CSMD3: variants seen among roughly 807,000 people sequenced by gnomAD.
The protein encoded by CSMD3 is CUB and sushi domain-containing protein 3.
A neutral mutation model predicts 435.2 loss-of-function variants in CSMD3; 177 were observed. The observed-to-expected ratio is 0.41, with a 90% CI of 0.36 to 0.46. The LOEUF (loss-of-function observed/expected upper bound fraction) is 0.46. Ranked by LOEUF, CSMD3 falls within the 20% of genes least tolerant of loss-of-function variation. The pLI, the probability that CSMD3 is intolerant of heterozygous loss-of-function variation, is 0.34. For missense variants in CSMD3, 4,265 were observed against 4,504.6 expected (o/e 0.95, Z 1.52); for synonymous variants, 1,656 against 1,520.5 (o/e 1.09, Z -2.07).
chr8:112,266,132 CATG>C (rs1289047549), intron 59 of CSMD3, among the ~76,000 whole-genome samples: 4 of 152,154 alleles, frequency 2.6e-5, no homozygotes, highest in Non-Finnish European at 4.4e-5. Context: ...TTGACCAATA[CATG>C]ATGATGTTTC....
rs528675445 is a variant in CSMD3, at chr8:112,994,225, T to C, written c.1031-18077A>G. Among the ~76,000 whole-genome samples, 32 of 151,920 alleles carry C rather than the reference T, an allele frequency of 2.1e-4. No homozygotes were observed. The South Asian group carries it at 6.4e-3, about 30-fold the overall frequency. ...TGTGCAATTGTGCTTGTTACACTTA[T>C]CAAGAAAATTTGTAAAGCAAACAGC... is the stretch of plus-strand genomic sequence containing the variant. On this transcript the variant is annotated intron_variant, in intron 6 of 70. Transcript: ENST00000297405.
chr8:112,626,918 G>A lies in CSMD3; in HGVS notation c.3715+9899C>T, dbSNP rs28517826. Among the ~76,000 whole-genome samples, 326 of 152,084 alleles carry A rather than the reference G, an allele frequency of 2.1e-3. 3 individuals are homozygous for A. The highest frequency in any genetic ancestry group is 7.5e-3 in the African/African-American group (313 of 41,498). ...CTAACTTGCTTTGAATAAAAATACC[G>A]TTAATATATTTTCCTAGTGAAAATT... On this transcript the variant is annotated intron_variant, in intron 22 of 70. Coordinates refer to ENST00000297405, the MANE Select transcript of CSMD3 (RefSeq NM_198123.2).
At chr8:112,829,885 G>GCACACACA (rs57982384) in intron 11 of CSMD3, 96 bp from the exon 12 acceptor site, 2 of 599,114 alleles carry the variant, frequency 3.3e-6, no homozygotes, top group Non-Finnish European at 3.0e-6. Context: ...TTGTCTCTCT[G>GCACACACA]CACACACACA....
intron 12 of CSMD3, among the ~76,000 whole-genome samples, chr8:112,818,227 A>G (rs940265910): frequency 6.6e-6 from 1 of 152,072 alleles, no homozygotes; most frequent in Non-Finnish European, 1.5e-5. Context: ...AAATGTTAGA[A>G]TGTTCCATAA....
intron 19 of CSMD3, among the ~76,000 whole-genome samples, chr8:112,647,365 T>C (rs60100470): frequency 0.015 from 2,286 of 151,022 alleles, 55 homozygotes; most frequent in African/African-American, 0.052. Flanking sequence ...GCAGTGGCGC[T>C]ATCTCGGCTC....
intron 13 of CSMD3, among the ~76,000 whole-genome samples, chr8:112,736,559 C>T (rs1452255971): frequency 6.6e-6 from 1 of 151,986 alleles, no homozygotes; most frequent in Non-Finnish European, 1.5e-5. Context: ...CTTCAGGATT[C>T]CCCTAATCTA....
intron 10 of CSMD3, among the ~76,000 whole-genome samples, chr8:112,895,967 T>A (rs1228216379): frequency 1.3e-5 from 2 of 151,506 alleles, no homozygotes; most frequent in African/African-American, 2.4e-5. Flanking sequence ...ATTGTTTCCT[T>A]TCTCAATAAT....
intron 1 of CSMD3, among the ~76,000 whole-genome samples, chr8:113,409,091 T>TC (rs1038811563): frequency 2.1e-5 from 3 of 141,978 alleles, no homozygotes; most frequent in African/African-American, 7.8e-5. Flanking sequence ...TTTTTTTTTT[T>TC]TTTTTTTTTT....
intron 3 of CSMD3, among the ~76,000 whole-genome samples, chr8:113,240,952 T>C (rs1278598976): frequency 1.3e-5 from 2 of 152,146 alleles, no homozygotes; most frequent in Admixed American, 6.6e-5. Flanking sequence ...TTACACTGGA[T>C]ACTGGGGATA....
At chr8:112,639,795 A>G (rs2074769406) in intron 20 of CSMD3, among the ~76,000 whole-genome samples, 1 of 152,124 alleles carries the variant, frequency 6.6e-6, no homozygotes, top group Admixed American at 6.6e-5. Flanking sequence ...ATGGCATTCC[A>G]CCTTGTGAAT....
chr8:112,487,408 A>T (rs1820244325), intron 31 of CSMD3, among the ~76,000 whole-genome samples: 1 of 152,180 alleles, frequency 6.6e-6, no homozygotes, highest in Non-Finnish European at 1.5e-5. Flanking sequence ...CAGAAGTCTG[A>T]TCAGTGCTTT....
At chr8:113,137,365 TTA>T (rs953530998) in intron 4 of CSMD3, among the ~76,000 whole-genome samples, 2 of 151,750 alleles carry the variant, frequency 1.3e-5, no homozygotes, top group Non-Finnish European at 3.0e-5. Flanking sequence ...GTTATTGAAT[TTA>T]TATGTTTATA....
chr8:113,132,520 T>G (rs927932556), intron 4 of CSMD3, among the ~76,000 whole-genome samples: 11 of 152,116 alleles, frequency 7.2e-5, no homozygotes, highest in African/African-American at 2.7e-4. Flanking sequence ...TCCACCACGC[T>G]AAGATGTACC....
At chr8:112,508,662 A>G (rs1488339523) in intron 28 of CSMD3, among the ~76,000 whole-genome samples, 1 of 152,204 alleles carries the variant, frequency 6.6e-6, no homozygotes, top group African/African-American at 2.4e-5. Flanking sequence ...AAAAAAGAAA[A>G]AAAAGCCTTT....
rs1400237894 is a variant in CSMD3, at chr8:112,231,610, G to A, written c.10763C>T (p.Ala3588Val). 1 of 1,610,398 alleles carries A rather than the reference G, an allele frequency of 6.2e-7. No homozygotes were observed. Among genetic ancestry groups the A allele is most frequent in the Admixed American group, 1.7e-5 (1 of 60,004 alleles). Residue 3588 changes from alanine to valine, a missense_variant, in exon 69 of 71, where the codon GCT (alanine) becomes GTT (valine). By Grantham distance (64) the Ala-to-Val change is moderately conservative. Transcript: ENST00000297405. ...AATAAATCCTTGAAATACATAAGTAGCTCCATCAGGCTCAGCAGAAACCTA... is the reference window on the plus strand; with the variant it reads ...AATAAATCCTTGAAATACATAAGTAACTCCATCAGGCTCAGCAGAAACCTA... ...DGFVSAEPDG[A>V]TYVFQGFIQG...
At chr8:113,211,916 C>T (rs1026800155) in intron 3 of CSMD3, among the ~76,000 whole-genome samples, 2 of 151,918 alleles carry the variant, frequency 1.3e-5, no homozygotes, top group African/African-American at 2.4e-5. Flanking sequence ...CAACAAAGTG[C>T]CATGTATGAA....
chr8:112,685,285 G>T (rs2075985011), intron 15 of CSMD3, 121 bp downstream of exon 15: 1 of 756,670 alleles, frequency 1.3e-6, no homozygotes, highest in Non-Finnish European at 2.2e-6. Flanking sequence ...GGCACAATGA[G>T]ATTTACAGCT....
intron 3 of CSMD3, among the ~76,000 whole-genome samples, chr8:113,210,413 T>G (rs532122317): frequency 1.7e-3 from 252 of 152,166 alleles, no homozygotes; most frequent in South Asian, 2.1e-3. Context: ...AGAATACATA[T>G]AGAATCTATT....
intron 3 of CSMD3, among the ~76,000 whole-genome samples, chr8:113,189,379 T>A (rs1287425647): frequency 2.0e-5 from 3 of 151,798 alleles, no homozygotes. Flanking sequence ...CCTATCCAAC[T>A]GTATTTCAGG....
Sources: allele counts gnomAD v4.1 joint callset (sites outside exome capture counted in the v4.1 genomes callset), GRCh38; gene constraint gnomAD v4.1.1; transcripts MANE v1.5; gene names NCBI Gene and HGNC (gene_info 2026-07-23, HGNC 2026-07-21).